Variants in DBT observed in about 807,000 individuals in gnomAD.
The protein encoded by DBT is dihydrolipoamide branched chain transacylase E2, also known as lipoamide acyltransferase component of branched-chain alpha-keto acid dehydrogenase complex, mitochondrial.
DBT carries 40 observed loss-of-function variants against 51.3 expected under a neutral mutation model. That is an observed-to-expected ratio of 0.78 (90% CI 0.61 to 1.02). The LOEUF is 1.02. DBT is among the 50% of genes least tolerant of loss of function. DBT has a pLI of 0.00. For missense variants in DBT, 510 were observed against 580.2 expected (o/e 0.88, Z 1.24); for synonymous variants, 181 against 190.4 (o/e 0.95, Z 0.41).
At chr1:100,238,142 CTCCT>C (rs1304641704) in intron 2 of DBT, among the ~76,000 whole-genome samples, 2 of 17,748 alleles carry the variant, frequency 1.1e-4, no homozygotes, top group Non-Finnish European at 6.2e-4. Context: ...CCTTCCTTCC[CTCCT>C]TCCTTCTTTC....
rs1661076005 is a variant in DBT at position 100,196,171 on chromosome 1, T to C, written c.*84A>G. ...CGATACAAATCATTTACAATATAAA[T>C]TGTAAAGATGAACATGTGCTGGCAC... is the stretch of plus-strand genomic sequence containing the variant. On this transcript the variant is annotated 3_prime_UTR_variant, in exon 11 of 11. Coordinates refer to ENST00000370132, the MANE Select transcript of DBT (RefSeq NM_001918.5). 1 of 1,138,554 alleles carries C rather than the reference T, an allele frequency of 8.8e-7. No homozygotes were observed. Among genetic ancestry groups the C allele is most frequent in the Non-Finnish European group, 1.3e-6 (1 of 750,572 alleles). The allele number at this position is 1,138,554 out of a possible 1,614,324, so 70.5% of individuals were successfully genotyped here. A position where few individuals can be genotyped will look rare whatever the true frequency, so the allele number is the denominator to read the frequency against.
chr1:100,231,838 T>G, intron 3 of DBT, among the ~76,000 whole-genome samples: 1 of 152,206 alleles, frequency 6.6e-6, no homozygotes, highest in East Asian at 1.9e-4. Flanking sequence ...GAAAAATGGT[T>G]GAGTTTTGTA....
At chr1:100,222,904 T>C (rs1557952516) in intron 4 of DBT, among the ~76,000 whole-genome samples, 1 of 152,116 alleles carries the variant, frequency 6.6e-6, no homozygotes. Flanking sequence ...ATTAAAACTG[T>C]CCACTTGACC....
rs1252238573 is a variant in DBT, at chr1:100,206,534, G to A, written c.1120C>T (p.Leu374=). The stretch of plus-strand genomic sequence containing the variant: ...GAGCCCAATTTCTGGAGGCGGTTCA[G>A]TTCAGTGGCGATGTCAAATATAGAG... ...ICSIFDIATE[L]NRLQKLGSVS... The change falls in exon 9 of 11, where the codon CTG becomes TTG. Residue 374 remains leucine, a synonymous_variant. Transcript: ENST00000370132. 1 of 1,612,700 alleles carries A rather than the reference G, an allele frequency of 6.2e-7. No homozygotes were observed. Among genetic ancestry groups the A allele is most frequent in the Non-Finnish European group, 8.5e-7 (1 of 1,178,702 alleles).
intron 10 of DBT, among the ~76,000 whole-genome samples, chr1:100,198,999 G>A (rs1275957882): frequency 6.6e-6 from 1 of 152,150 alleles, no homozygotes; most frequent in Non-Finnish European, 1.5e-5. Flanking sequence ...ACATGGTATT[G>A]AAGTGGTATC....
At chr1:100,243,224 T>G (rs1664325644) in intron 1 of DBT, among the ~76,000 whole-genome samples, 1 of 135,320 alleles carries the variant, frequency 7.4e-6, no homozygotes, top group South Asian at 2.5e-4. Flanking sequence ...ATCACACCAC[T>G]GCACTTCAGC....
At chr1:100,199,072 C>T (rs1175693343) in intron 10 of DBT, among the ~76,000 whole-genome samples, 1 of 152,154 alleles carries the variant, frequency 6.6e-6, no homozygotes, top group Non-Finnish European at 1.5e-5. Flanking sequence ...CAAGTCCCAT[C>T]CCCCAAAATT....
At chr1:100,239,345 G>A (rs1482858574) in intron 2 of DBT, among the ~76,000 whole-genome samples, 3 of 152,166 alleles carry the variant, frequency 2.0e-5, no homozygotes, top group Admixed American at 6.5e-5. Flanking sequence ...CCAGGAAGTT[G>A]AAGTATTTAC....
intron 3 of DBT, among the ~76,000 whole-genome samples, chr1:100,231,642 C>T (rs1663560908): frequency 1.3e-5 from 2 of 152,154 alleles, no homozygotes; most frequent in Admixed American, 1.3e-4. Flanking sequence ...TAAAACAGCA[C>T]CCATGACATA....
chr1:100,225,535 A>G (rs979636532), intron 4 of DBT, among the ~76,000 whole-genome samples: 1 of 152,270 alleles, frequency 6.6e-6, no homozygotes, highest in South Asian at 2.1e-4. Context: ...CTCTAAAAAC[A>G]AAACCAGCAC....
intron 8 of DBT, among the ~76,000 whole-genome samples, chr1:100,209,640 C>T (rs1662010526): frequency 1.3e-5 from 2 of 152,094 alleles, no homozygotes; most frequent in South Asian, 4.1e-4. Context: ...TGGCTCACTG[C>T]AACCTCCGCC....
rs1553233434 is a variant in DBT, at chr1:100,244,084, A to AG, written c.52-3201dup. Among the ~76,000 whole-genome samples the AG allele has an allele frequency of 2.0e-3, 260 of 128,034 alleles. 1 individual carries two copies. The highest frequency in any genetic ancestry group is 6.7e-3 in the African/African-American group (252 of 37,648). The allele number at this position is 128,034 out of a possible 152,430, so 84.0% of individuals were successfully genotyped here. A position where few individuals can be genotyped will look rare whatever the true frequency, so the allele number is the denominator to read the frequency against. On this transcript the variant is annotated intron_variant, in intron 1 of 10. Transcript: ENST00000370132. ...ATCTCAAAAAAAAAAAAAAAAAAAAAGGAGTTTAAGTAGAGGGGTCTGGTG... is the reference window on the plus strand; with the variant it reads ...ATCTCAAAAAAAAAAAAAAAAAAAAAGGGAGTTTAAGTAGAGGGGTCTGGTG...
intron 10 of DBT, 31 bp from the exon 11 acceptor site, chr1:100,196,453 A>G (rs1661104747): frequency 7.3e-6 from 11 of 1,509,590 alleles, no homozygotes; most frequent in African/African-American, 1.4e-5. Context: ...AAAAAAAAAA[A>G]AAAAAAGAAC....
Position 100,187,957 on chromosome 1 carries a change from A to G in DBT, c.*8298T>C, listed in dbSNP as rs1233856468. On this transcript the variant is annotated 3_prime_UTR_variant, in exon 11 of 11. Transcript: ENST00000370132. Reference sequence around the variant, plus strand: ...GAGTATACTGCACTTATATATCATTATTTCTAATATACACCTAGTTATTAG... The same window carrying G: ...GAGTATACTGCACTTATATATCATTGTTTCTAATATACACCTAGTTATTAG... 1.3e-5 allele frequency: 2 copies of G among 152,178 alleles called. No homozygotes were observed. Among genetic ancestry groups the G allele is most frequent in the Non-Finnish European group, 2.9e-5 (2 of 68,040 alleles). 9.4% of individuals were successfully genotyped at this position (152,178 alleles called of 1,614,324 possible).
chr1:100,243,797 G>A (rs1246678665), intron 1 of DBT, among the ~76,000 whole-genome samples: 4 of 152,082 alleles, frequency 2.6e-5, no homozygotes, highest in South Asian at 2.1e-4. Context: ...CTAGAAATAG[G>A]AGAAATAATC....
intron 8 of DBT, among the ~76,000 whole-genome samples, chr1:100,207,506 T>TA (rs1044812690): frequency 4.4e-4 from 64 of 146,012 alleles, no homozygotes; most frequent in Non-Finnish European, 4.5e-4. Context: ...AGCCCATCAA[T>TA]AAAAAAAAAA....
Position 100,249,639 on chromosome 1 carries a change from A to G in DBT, c.51+131T>C, listed in dbSNP as rs538151023. ...CTCCGTTCTCTGCCCTTTATTTTGC[A>G]TGCATCCCTTCACCTCTCCATCACG... On this transcript the variant is annotated intron_variant, in intron 1 of 10. Transcript: ENST00000370132. The G allele has an allele frequency of 4.5e-6, 4 of 890,458 alleles. No individual in the cohort carries two copies. The Admixed American group carries it at 5.2e-5, about 12-fold the overall frequency. 55.2% of individuals were successfully genotyped at this position (890,458 alleles called of 1,614,324 possible). A position where few individuals can be genotyped will look rare whatever the true frequency, so the allele number is the denominator to read the frequency against.
Position 100,196,280 on chromosome 1 carries a change from G to A in DBT, c.1424C>T (p.Ala475Val). The part of the protein sequence containing the change: ...NLWKSYLENP[A>V]FMLLDLK The stretch of plus-strand genomic sequence containing the variant: ...TCATTTCAGATCTAGTAGCATAAAA[G>A]CTGGGTTTTCTAAATAGGATTTCCA... The change falls in exon 11 of 11, where the codon GCT (alanine) becomes GTT (valine). Residue 475 changes from alanine to valine, a missense_variant. Physicochemically the swap from Ala to Val is moderately conservative, Grantham distance 64 (BLOSUM62 0). Transcript: ENST00000370132. 6.2e-7 allele frequency: 1 copy of A among 1,613,818 alleles called. No homozygotes were observed. The highest frequency in any genetic ancestry group is 1.3e-5 in the African/African-American group (1 of 74,954).
intron 1 of DBT, among the ~76,000 whole-genome samples, chr1:100,246,493 G>A (rs1664548789): frequency 6.6e-6 from 1 of 152,152 alleles, no homozygotes; most frequent in East Asian, 1.9e-4. Flanking sequence ...ACTACAGGAA[G>A]ACAGACACAA....
Sources: allele counts gnomAD v4.1 joint callset (sites outside exome capture counted in the v4.1 genomes callset), GRCh38; gene constraint gnomAD v4.1.1; transcripts MANE v1.5; gene names NCBI Gene and HGNC (gene_info 2026-07-23, HGNC 2026-07-21).